The following SLTM variants were observed in gnomAD, a reference collection of about 807,000 sequenced individuals.
SLTM encodes SAFB like transcription modulator.
In SLTM, 43 loss-of-function variants were observed where a neutral mutation model predicts 134.6. The observed-to-expected ratio is 0.32, with a 90% CI of 0.25 to 0.41. The LOEUF (loss-of-function observed/expected upper bound fraction) is 0.41, where lower values mean the gene tolerates loss of function less well. Ranked by LOEUF, SLTM falls within the 10% of genes least tolerant of loss-of-function variation. The probability of loss-of-function intolerance (pLI) is 1.00; values close to 1 mark genes in which losing one functional copy is unlikely to be tolerated. For missense variants in SLTM, 1,055 were observed against 1,288.8 expected, an observed-to-expected ratio of 0.82 and a Z score of 2.78; for synonymous variants, 424 against 432.3, an observed-to-expected ratio of 0.98 and a Z score of 0.24.
intron 2 of SLTM, among the ~76,000 whole-genome samples, chr15:58,924,667 T>A (rs1348993463): frequency 6.6e-6 from 1 of 152,234 alleles, no homozygotes; most frequent in East Asian, 1.9e-4. Context: ...GGATTTTGGA[T>A]GATAAATTGG....
Position 58,933,453 on chromosome 15 carries a change from T to G in SLTM, c.113A>C (p.Asn38Thr). ...GGTCTTGACTCCGGTGATGTCTAAGTTCCGCCGCTTCAGCTCGGACTTCAG... is the reference window on the plus strand; with the variant it reads ...GGTCTTGACTCCGGTGATGTCTAAGGTCCGCCGCTTCAGCTCGGACTTCAG... ...IDLKSELKRR[N>T]LDITGVKTVL... Residue 38 changes from asparagine to threonine, a missense_variant, in exon 1 of 21, where the codon AAC (asparagine) becomes ACC (threonine). This residue lies in a region of SLTM where 268 missense variants were observed against 284.3 expected (regional missense o/e 0.94). Coordinates refer to ENST00000380516, the MANE Select transcript of SLTM (RefSeq NM_024755.4). The G allele has an allele frequency of 6.3e-7, 1 of 1,595,134 alleles. No homozygotes were observed.
At chr15:58,918,540 G>A (rs1308026088) in intron 2 of SLTM, among the ~76,000 whole-genome samples, 1 of 152,276 alleles carries the variant, frequency 6.6e-6, no homozygotes, top group East Asian at 1.9e-4. Flanking sequence ...ATTAGGAGTG[G>A]GGATTTTTCT....
At chr15:58,928,730 C>T (rs1366612659) in intron 2 of SLTM, among the ~76,000 whole-genome samples, 11 of 152,242 alleles carry the variant, frequency 7.2e-5, no homozygotes, top group Admixed American at 7.2e-4. Flanking sequence ...TGAAGCTTCT[C>T]GTCATTTAAC....
At chr15:58,889,586 A>C (rs2034503423) in intron 15 of SLTM, 32 bp from the exon 16 acceptor site, 1 of 1,611,298 alleles carries the variant, frequency 6.2e-7, no homozygotes, top group Non-Finnish European at 8.5e-7. Context: ...GAACCAACCA[A>C]GGCAAAATGA....
intron 3 of SLTM, among the ~76,000 whole-genome samples, chr15:58,914,563 T>A (rs2036500812): frequency 6.6e-6 from 1 of 152,138 alleles, no homozygotes; most frequent in South Asian, 2.1e-4. Flanking sequence ...CCAAATGTAC[T>A]ACAGCATGAG....
chr15:58,928,803 T>C (rs1332012264), intron 2 of SLTM, among the ~76,000 whole-genome samples: 2 of 152,234 alleles, frequency 1.3e-5, no homozygotes, highest in Admixed American at 6.5e-5. Flanking sequence ...CTATTATATA[T>C]TATGTCTCGC....
intron 2 of SLTM, among the ~76,000 whole-genome samples, chr15:58,922,812 G>A (rs535151416): frequency 1.3e-5 from 2 of 151,032 alleles, no homozygotes; most frequent in East Asian, 1.9e-4. Context: ...TTGTGGGTTC[G>A]AGCGATTCTC....
chr15:58,905,216 TGGAAA>T (rs1448714952), intron 5 of SLTM, among the ~76,000 whole-genome samples: 5 of 152,344 alleles, frequency 3.3e-5, no homozygotes, highest in East Asian at 1.9e-4. Context: ...TTGCAATATT[TGGAAA>T]GGAAAGAAAA....
chr15:58,920,094 T>C (rs1374103242), intron 2 of SLTM, among the ~76,000 whole-genome samples: 1 of 152,074 alleles, frequency 6.6e-6, no homozygotes, highest in Non-Finnish European at 1.5e-5. Flanking sequence ...GGAGGGCAGA[T>C]TGCTTGAAGC....
intron 5 of SLTM, among the ~76,000 whole-genome samples, chr15:58,911,339 A>G (rs1262260452): frequency 6.6e-6 from 1 of 152,196 alleles, no homozygotes; most frequent in East Asian, 1.9e-4. Context: ...TCTTCTAGGA[A>G]ATACTACCCA....
At chr15:58,893,137 A>G in intron 13 of SLTM, 77 bp from the exon 14 acceptor site, 2 of 1,436,386 alleles carry the variant, frequency 1.4e-6, no homozygotes, top group East Asian at 2.4e-5. Flanking sequence ...TAGGTCATTT[A>G]AAAAGTTCAA....
At chr15:58,892,774 G>A (rs1478105474) in intron 14 of SLTM, 123 bp downstream of exon 14, 16 of 982,698 alleles carry the variant, frequency 1.6e-5, no homozygotes, top group East Asian at 7.3e-5. Flanking sequence ...AGATGCTACC[G>A]TAACTTCTTT....
intron 5 of SLTM, among the ~76,000 whole-genome samples, chr15:58,902,957 AG>A (rs1380637015): frequency 6.6e-5 from 10 of 152,020 alleles, no homozygotes; most frequent in Admixed American, 6.5e-5. Flanking sequence ...GCTGGAGTGC[AG>A]TGGTGCGATC....
At position 58,899,457 on chromosome 15, in the gene SLTM, AG is replaced by A. The variant is rs770251608; in HGVS notation, c.1058+11del. On this transcript the variant is annotated intron_variant, in intron 7 of 20. Transcript: ENST00000380516. This position sits in a 1 kb window ranked among gnomAD's most constrained non-coding sequence, Gnocchi z 5.0. The stretch of plus-strand genomic sequence containing the variant: ...ATTCAGTATCGTAAAGAACTGACAT[AG>A]AAAAACAAACCTCTTTGCTTGACCA... 2.5e-5 allele frequency: 40 copies of A among 1,609,842 alleles called. 2 individuals are homozygous for A. The East Asian group carries it at 8.9e-4, about 36-fold the overall frequency.
intron 2 of SLTM, among the ~76,000 whole-genome samples, chr15:58,923,940 G>A (rs1164773472): frequency 6.6e-6 from 1 of 150,498 alleles, no homozygotes; most frequent in African/African-American, 2.4e-5. Flanking sequence ...TCAGCCTCCT[G>A]AGTAGCTGGG....
intron 8 of SLTM, chr15:58,898,530 A>C: frequency 3.6e-6 from 1 of 279,684 alleles, no homozygotes; most frequent in South Asian, 5.0e-5. Flanking sequence ...ATTAATATTC[A>C]ACACAGTCCC....
intron 14 of SLTM, 100 bp from the exon 15 acceptor site, chr15:58,890,561 A>C: frequency 8.3e-7 from 1 of 1,203,442 alleles, no homozygotes; most frequent in Non-Finnish European, 1.1e-6. Flanking sequence ...GGCAATTTTA[A>C]ATTTCAACTC....
chr15:58,907,634 A>G (rs1349562911), intron 5 of SLTM, among the ~76,000 whole-genome samples: 2 of 152,080 alleles, frequency 1.3e-5, no homozygotes, highest in Non-Finnish European at 2.9e-5. Context: ...AACAACAACA[A>G]CAACAAAATT....
chr15:58,920,072 T>C (rs1414762656), intron 2 of SLTM, among the ~76,000 whole-genome samples: 6 of 152,118 alleles, frequency 3.9e-5, no homozygotes, highest in African/African-American at 1.4e-4. Context: ...ACCCAGCAAT[T>C]TGGGAGGCCA....
Sources: allele counts gnomAD v4.1 joint callset (sites outside exome capture counted in the v4.1 genomes callset), GRCh38; gene constraint gnomAD v4.1.1; regional missense constraint gnomAD v4.1.1; non-coding constraint Gnocchi (gnomAD v3.1); transcripts MANE v1.5; gene names NCBI Gene and HGNC (gene_info 2026-07-23, HGNC 2026-07-21).